Variants in SCMH1 observed in about 807,000 individuals in gnomAD.
The protein encoded by SCMH1 is polycomb protein SCMH1.
In SCMH1, 37 loss-of-function variants were observed where a neutral mutation model predicts 70.8. That is an observed-to-expected ratio of 0.52 (90% CI 0.40 to 0.69). The LOEUF is 0.69. Ranked by LOEUF, SCMH1 falls within the 30% of genes least tolerant of loss-of-function variation. The probability of loss-of-function intolerance (pLI) is 0.00; values close to 1 mark genes in which losing one functional copy is unlikely to be tolerated. For missense variants in SCMH1, 607 were observed against 827.3 expected (o/e 0.73, Z 3.27); for synonymous variants, 292 against 307.4 (o/e 0.95, Z 0.52).
intron 12 of SCMH1, among the ~76,000 whole-genome samples, chr1:41,042,608 G>A (rs1646336434): frequency 6.6e-6 from 1 of 151,780 alleles, no homozygotes; most frequent in African/African-American, 2.4e-5. Flanking sequence ...TTCTGAAGAA[G>A]AGACTCTGCT....
chr1:41,097,798 T>A (rs558999695), intron 8 of SCMH1, among the ~76,000 whole-genome samples: 1 of 152,368 alleles, frequency 6.6e-6, no homozygotes, highest in South Asian at 2.1e-4. Context: ...GTCATAAAGA[T>A]CTGTCTAAAA....
At chr1:41,146,356 T>C (rs1644565304) in intron 5 of SCMH1, among the ~76,000 whole-genome samples, 1 of 152,170 alleles carries the variant, frequency 6.6e-6, no homozygotes, top group Admixed American at 6.5e-5. Context: ...GTTAACTCTT[T>C]ACTGAAGAAT....
intron 8 of SCMH1, among the ~76,000 whole-genome samples, chr1:41,077,214 G>T (rs1244491917): frequency 6.6e-6 from 1 of 152,142 alleles, no homozygotes; most frequent in Non-Finnish European, 1.5e-5. Context: ...GGCCTCTGAG[G>T]TAGCTGATAC....
chr1:41,112,171 T>C (rs1488594749), intron 8 of SCMH1, among the ~76,000 whole-genome samples: 2 of 152,218 alleles, frequency 1.3e-5, no homozygotes, highest in African/African-American at 4.8e-5. Flanking sequence ...TTACCATCTG[T>C]TTCACCCAAC....
At chr1:41,034,520 G>A (rs990248505) in intron 13 of SCMH1, among the ~76,000 whole-genome samples, 3 of 151,954 alleles carry the variant, frequency 2.0e-5, no homozygotes, top group Admixed American at 2.0e-4. Flanking sequence ...ATAGAGACAG[G>A]GTTTCACCAT....
chr1:41,231,804 C>T (rs957405623), intron 1 of SCMH1, among the ~76,000 whole-genome samples: 2 of 151,982 alleles, frequency 1.3e-5, no homozygotes, highest in Non-Finnish European at 2.9e-5. Context: ...GGGCAGATCA[C>T]GAGGTCAGGA....
chr1:41,178,483 G>C (rs1457589150), intron 2 of SCMH1, among the ~76,000 whole-genome samples: 1 of 152,120 alleles, frequency 6.6e-6, no homozygotes, highest in Non-Finnish European at 1.5e-5. Flanking sequence ...CTGTATTCAG[G>C]AGACCCATCT....
intron 2 of SCMH1, among the ~76,000 whole-genome samples, chr1:41,181,067 T>C (rs564404019): frequency 6.6e-6 from 1 of 152,328 alleles, no homozygotes; most frequent in South Asian, 2.1e-4. Context: ...ATCTGATCTT[T>C]GGCAAATCTG....
intron 13 of SCMH1, among the ~76,000 whole-genome samples, chr1:41,031,454 C>G (rs930568625): frequency 6.6e-6 from 1 of 152,172 alleles, no homozygotes. Context: ...TCAAAGTACA[C>G]TTTGTCTGGC....
At chr1:41,161,624 A>C (rs1646039717) in intron 2 of SCMH1, 192 bp from the exon 3 acceptor site, 1 of 510,002 alleles carries the variant, frequency 2.0e-6, no homozygotes, top group South Asian at 4.9e-5. Context: ...AATAACAAAA[A>C]AAGGAACACC....
At chr1:41,130,793 C>T (rs745618509) in intron 6 of SCMH1, among the ~76,000 whole-genome samples, 7 of 152,160 alleles carry the variant, frequency 4.6e-5, no homozygotes, top group East Asian at 1.9e-4. Flanking sequence ...CAGCCACTCC[C>T]CATCCCCACT....
intron 5 of SCMH1, among the ~76,000 whole-genome samples, chr1:41,148,877 G>A (rs1261535918): frequency 2.6e-5 from 4 of 152,042 alleles, no homozygotes; most frequent in East Asian, 3.9e-4. Context: ...TGCAAGCTCC[G>A]CCTCCCAGGT....
At chr1:41,163,980 A>C (rs1646244383) in intron 2 of SCMH1, among the ~76,000 whole-genome samples, 3 of 152,196 alleles carry the variant, frequency 2.0e-5, no homozygotes, top group Admixed American at 2.0e-4. Flanking sequence ...TATAAGGAGA[A>C]TATATTTTCC....
intron 1 of SCMH1, among the ~76,000 whole-genome samples, chr1:41,200,453 C>T (rs928702256): frequency 6.6e-6 from 1 of 150,934 alleles, no homozygotes; most frequent in African/African-American, 2.4e-5. Context: ...GCACTCCAGC[C>T]TGAGCGAGAG....
chr1:41,127,457 ATTT>A (rs1008249586), intron 6 of SCMH1, among the ~76,000 whole-genome samples: 1 of 152,090 alleles, frequency 6.6e-6, no homozygotes. Context: ...TTATATAGTC[ATTT>A]TTTTACATTT....
At chr1:41,079,955 A>G (rs1659498550) in intron 8 of SCMH1, among the ~76,000 whole-genome samples, 1 of 152,128 alleles carries the variant, frequency 6.6e-6, no homozygotes, top group South Asian at 2.1e-4. Flanking sequence ...AACCCATGCA[A>G]TGAGTTATTC....
chr1:41,110,108 C>A (rs1668900927), intron 8 of SCMH1, among the ~76,000 whole-genome samples: 1 of 152,186 alleles, frequency 6.6e-6, no homozygotes. Flanking sequence ...ATACTGACCC[C>A]AGGGTACTTG....
intron 6 of SCMH1, among the ~76,000 whole-genome samples, chr1:41,134,250 C>G (rs960697044): frequency 2.6e-5 from 4 of 152,180 alleles, no homozygotes; most frequent in African/African-American, 4.8e-5. Flanking sequence ...ATGCTAAAAA[C>G]TCTCAATAAA....
chr1:41,111,128 T>A (rs1191601649), intron 8 of SCMH1, among the ~76,000 whole-genome samples: 1 of 152,180 alleles, frequency 6.6e-6, no homozygotes, highest in East Asian at 1.9e-4. Context: ...TTAAATTGGG[T>A]TGTCTTTTTT....
Sources: allele counts gnomAD v4.1 joint callset (sites outside exome capture counted in the v4.1 genomes callset), GRCh38; gene constraint gnomAD v4.1.1; transcripts MANE v1.5; gene names NCBI Gene and HGNC (gene_info 2026-07-23, HGNC 2026-07-21).